Variants in RASGRF1 observed in about 807,000 individuals in gnomAD.
The protein encoded by RASGRF1 is Ras protein specific guanine nucleotide releasing factor 1.
Under a neutral mutation model 138.7 loss-of-function variants are expected in RASGRF1, and 40 were observed. The observed-to-expected ratio is 0.29, with a 90% CI of 0.22 to 0.38. The LOEUF is 0.38. Ranked by LOEUF, RASGRF1 falls within the 10% of genes least tolerant of loss-of-function variation. The pLI is 1.00. For synonymous variants in RASGRF1, 614 were observed against 663.2 expected (o/e 0.93, Z 1.14); for missense variants, 1,108 against 1,650.4 (o/e 0.67, Z 5.69).
intron 24 of RASGRF1, among the ~76,000 whole-genome samples, chr15:78,978,220 G>C (rs60851118): frequency 0.24 from 29,815 of 124,666 alleles, 3,441 homozygotes; most frequent in African/African-American, 0.26. Context: ...CTTTTCTTTT[G>C]TTTTTTTTTT....
At chr15:79,002,288 T>G in intron 15 of RASGRF1, among the ~76,000 whole-genome samples, 1 of 152,168 alleles carries the variant, frequency 6.6e-6, no homozygotes, top group East Asian at 1.9e-4. Flanking sequence ...CTTGGATAAT[T>G]AATTATAGAG....
Position 79,071,377 on chromosome 15 carries a change from T to G in RASGRF1, c.277-6851A>C, listed in dbSNP as rs373941366. Among the ~76,000 whole-genome samples, 1,010 of 151,580 alleles carry G rather than the reference T, an allele frequency of 6.7e-3. 12 individuals are homozygous for G. Among genetic ancestry groups the G allele is most frequent in the African/African-American group, 0.024 (981 of 41,318 alleles). ...TTTTTCTTTTTTCTTTTTTTTTTTT[T>G]GAGTCAGAGTCTCACTCTGTTGCCC... is the stretch of plus-strand genomic sequence containing the variant. On this transcript the variant is annotated intron_variant, in intron 1 of 26. Coordinates refer to ENST00000558480, the MANE Select transcript of RASGRF1 (RefSeq NM_001145648.3).
chr15:79,025,617 C>T lies in RASGRF1; in HGVS notation c.1382-143G>A, dbSNP rs1324916097. The T allele has an allele frequency of 1.1e-5, 11 of 988,614 alleles. No homozygotes were observed. In the East Asian group the frequency reaches 2.6e-4, roughly 24 times the overall value. The allele number at this position is 988,614 out of a possible 1,614,324, so 61.2% of individuals were successfully genotyped here. On this transcript the variant is annotated intron_variant, in intron 9 of 26. Coordinates refer to ENST00000558480, the MANE Select transcript of RASGRF1 (RefSeq NM_001145648.3). ...CAGTAGCAAATGTGCCCCTGGGATA[C>T]TCCTTTAGGCCTCTCTGCAGGGCCA...
intron 26 of RASGRF1, among the ~76,000 whole-genome samples, chr15:78,970,621 CAAAAAAAA>C (rs55689628): frequency 1.7e-5 from 1 of 57,902 alleles, no homozygotes; most frequent in African/African-American, 6.0e-5. Flanking sequence ...GACTCTGTCT[CAAAAAAAA>C]AAAAAAAAAA....
rs75499790 is a variant in RASGRF1, at chr15:79,023,717, C to T, written c.1542+1597G>A. Among the ~76,000 whole-genome samples, 52 of 152,246 alleles carry T rather than the reference C, an allele frequency of 3.4e-4. 1 individual carries two copies. The East Asian group carries it at 8.9e-3, about 26-fold the overall frequency. On this transcript the variant is annotated intron_variant, in intron 10 of 26. Transcript: ENST00000558480. The stretch of plus-strand genomic sequence containing the variant: ...TGAGCATCAGGGTCTCATGCAGGGC[C>T]GCAAGGTCCTGAGGCTCTGTGTGGA...
At chr15:78,966,709 A>G (rs922522271) in intron 26 of RASGRF1, among the ~76,000 whole-genome samples, 2 of 152,144 alleles carry the variant, frequency 1.3e-5, no homozygotes, top group Non-Finnish European at 2.9e-5. Flanking sequence ...GCCCCTTCTC[A>G]GCCACCAGGC....
At chr15:78,979,024 G>A (rs780420709) in intron 24 of RASGRF1, 121 of 1,293,516 alleles carry the variant, frequency 9.4e-5, no homozygotes, top group Non-Finnish European at 1.2e-4. Context: ...CGGTGGTGGC[G>A]GCGGCAGACG....
chr15:79,049,671 G>C, intron 3 of RASGRF1, 83 bp from the exon 4 acceptor site: 1 of 1,213,044 alleles, frequency 8.2e-7, no homozygotes, highest in Admixed American at 2.1e-5. Flanking sequence ...GGCAGGAACA[G>C]GGTGGCAGCC....
chr15:79,038,720 G>C (rs980961036), intron 5 of RASGRF1, among the ~76,000 whole-genome samples: 8 of 152,064 alleles, frequency 5.3e-5, no homozygotes. Flanking sequence ...TTTGTGTCTG[G>C]TGTTATTCTG....
intron 10 of RASGRF1, among the ~76,000 whole-genome samples, chr15:79,020,758 AAG>A (rs2056949693): frequency 6.6e-6 from 1 of 152,240 alleles, no homozygotes; most frequent in Non-Finnish European, 1.5e-5. Context: ...AGTGAGAAAT[AAG>A]AGTGGCCACA....
At chr15:79,047,225 G>A (rs552267480) in intron 4 of RASGRF1, among the ~76,000 whole-genome samples, 51 of 151,914 alleles carry the variant, frequency 3.4e-4, no homozygotes, top group African/African-American at 1.2e-3. Context: ...TGTAAAATGG[G>A]GCTAAAGAGA....
At chr15:79,052,856 G>T (rs774663837) in intron 3 of RASGRF1, among the ~76,000 whole-genome samples, 1 of 152,096 alleles carries the variant, frequency 6.6e-6, no homozygotes, top group Non-Finnish European at 1.5e-5. Flanking sequence ...AGCAGGGAGG[G>T]TGGCCATGGA....
chr15:79,016,324 G>C (rs1008581418), intron 12 of RASGRF1, among the ~76,000 whole-genome samples: 1 of 152,228 alleles, frequency 6.6e-6, no homozygotes, highest in Non-Finnish European at 1.5e-5. Context: ...GCAAGGCCAC[G>C]ACCCCAAAGA....
intron 20 of RASGRF1, 76 bp from the exon 21 acceptor site, chr15:78,991,870 T>A: frequency 8.4e-7 from 1 of 1,194,994 alleles, no homozygotes; most frequent in African/African-American, 1.5e-5. Flanking sequence ...GCTGCCTCTG[T>A]GGGGGTATCT....
intron 18 of RASGRF1, 152 bp downstream of exon 18, chr15:78,998,567 A>G: frequency 2.9e-6 from 2 of 679,874 alleles, no homozygotes; most frequent in Non-Finnish European, 5.2e-6. Context: ...CTCCGGGAAC[A>G]TCAGGGTGGC....
chr15:79,033,026 C>T (rs926443414), intron 6 of RASGRF1, among the ~76,000 whole-genome samples: 3 of 152,216 alleles, frequency 2.0e-5, no homozygotes, highest in Non-Finnish European at 4.4e-5. Flanking sequence ...ACATGAGTCT[C>T]TGCTCCTTCG....
At chr15:79,071,509 G>A (rs1357971550) in intron 1 of RASGRF1, among the ~76,000 whole-genome samples, 3 of 151,140 alleles carry the variant, frequency 2.0e-5, no homozygotes, top group African/African-American at 4.9e-5. Context: ...ACAGGTGTGC[G>A]CCGCCATGCC....
chr15:78,966,522 G>A (rs28451149), intron 26 of RASGRF1, among the ~76,000 whole-genome samples: 1 of 152,034 alleles, frequency 6.6e-6, no homozygotes, highest in Non-Finnish European at 1.5e-5. Context: ...TTACAGTTGA[G>A]AGCCACCGTG....
At chr15:78,976,501 G>T (rs539628305) in intron 24 of RASGRF1, among the ~76,000 whole-genome samples, 1 of 152,058 alleles carries the variant, frequency 6.6e-6, no homozygotes, top group Non-Finnish European at 1.5e-5. Context: ...CCACGGGTTG[G>T]ACAAGCTTGC....
Sources: gnomAD v4.1 joint callset for allele counts (sites outside exome capture counted in the v4.1 genomes callset) on GRCh38, gnomAD v4.1.1 for gene constraint, MANE v1.5 for transcripts, NCBI Gene and HGNC (gene_info 2026-07-23, HGNC 2026-07-21) for gene names.